The following SYNPO2 variants were observed in gnomAD, a reference collection of about 807,000 sequenced individuals.
SYNPO2 encodes the protein synaptopodin-2.
Under a neutral mutation model 85.0 loss-of-function variants are expected in SYNPO2, and 56 were observed. That is an observed-to-expected ratio of 0.66 (90% CI 0.53 to 0.82). SYNPO2 has a LOEUF of 0.82. SYNPO2 is among the 40% of genes least tolerant of loss of function. SYNPO2 has a pLI of 0.00. For synonymous variants in SYNPO2, 602 were observed against 591.1 expected (o/e 1.02, Z -0.27); for missense variants, 1,575 against 1,534.2 (o/e 1.03, Z -0.44).
At chr4:118,919,354 G>A (rs1438180556) in intron 1 of SYNPO2, among the ~76,000 whole-genome samples, 3 of 152,024 alleles carry the variant, frequency 2.0e-5, no homozygotes, top group Non-Finnish European at 2.9e-5. Context: ...ACTGTACTTA[G>A]CCATACTCCC....
chr4:118,910,574 T>C (rs548582980), intron 1 of SYNPO2, among the ~76,000 whole-genome samples: 1 of 152,180 alleles, frequency 6.6e-6, no homozygotes, highest in Non-Finnish European at 1.5e-5. Context: ...ACAGGGAAAA[T>C]CAGTGTGCTG....
At chr4:118,929,599 C>G (rs956042629) in intron 1 of SYNPO2, among the ~76,000 whole-genome samples, 16 of 152,004 alleles carry the variant, frequency 1.1e-4, no homozygotes, top group Admixed American at 5.2e-4. Context: ...TCACTTTAGC[C>G]AAATGATTTC....
chr4:118,888,746 G>A (rs1266863538), upstream of SYNPO2: 2 of 439,778 alleles, frequency 4.5e-6, no homozygotes, highest in Admixed American at 8.0e-5. Context: ...GTGTGAAGCT[G>A]CTTTCCTTTC....
Position 118,893,578 on chromosome 4 carries a change from A to C in SYNPO2, c.105+4437A>C, listed in dbSNP as rs142126125. Among the ~76,000 whole-genome samples the C allele has an allele frequency of 2.1e-3, 327 of 152,326 alleles. 1 individual carries two copies. The highest frequency in any genetic ancestry group is 6.8e-3 in the African/African-American group (282 of 41,572). ...CCTTATTGGTGGAAACAGGTGCCCG[A>C]GAGGATAAAAGTAGGTTAAAGTGGT... On this transcript the variant is annotated intron_variant, in intron 1 of 4. Coordinates refer to ENST00000307142, the MANE Select transcript of SYNPO2 (RefSeq NM_133477.3).
At chr4:118,951,698 G>GTATT (rs1213499665) in intron 1 of SYNPO2, among the ~76,000 whole-genome samples, 1 of 151,962 alleles carries the variant, frequency 6.6e-6, no homozygotes, top group Non-Finnish European at 1.5e-5. Flanking sequence ...TCTAACCCAG[G>GTATT]TATTTAGTAC....
Position 118,997,210 on chromosome 4 carries a change from A to T in SYNPO2, c.106-26220A>T, listed in dbSNP as rs1736638243. 2.1e-5 allele frequency among the ~76,000 whole-genome samples: 3 copies of T among 140,116 alleles called. No homozygotes were observed. The South Asian group carries it at 7.1e-4, about 33-fold the overall frequency. The allele number at this position is 140,116 out of a possible 152,430, so 91.9% of individuals were successfully genotyped here. A position where few individuals can be genotyped will look rare whatever the true frequency, so the allele number is the denominator to read the frequency against. ...AGCCGAGATCCCGCCACTGCACTCCAGCCTGGGCGACAGAGCGAGACTCCG... is the reference window on the plus strand; with the variant it reads ...AGCCGAGATCCCGCCACTGCACTCCTGCCTGGGCGACAGAGCGAGACTCCG... On this transcript the variant is annotated intron_variant, in intron 1 of 4. Coordinates refer to ENST00000307142, the MANE Select transcript of SYNPO2 (RefSeq NM_133477.3).
chr4:118,898,736 CG>C (rs1732629620), intron 1 of SYNPO2, among the ~76,000 whole-genome samples: 1 of 152,216 alleles, frequency 6.6e-6, no homozygotes, highest in South Asian at 2.1e-4. Context: ...CACAGGCCGA[CG>C]GCCCCGCTGT....
chr4:119,031,988 G>A lies in SYNPO2; in HGVS notation c.3213G>A (p.Arg1071=), dbSNP rs1374997438. 1.2e-6 allele frequency: 2 copies of A among 1,614,174 alleles called. No individual in the cohort carries two copies. The highest frequency in any genetic ancestry group is 1.7e-5 in the Admixed American group (1 of 60,016). Residue 1071 remains arginine, a synonymous_variant, in exon 4 of 5, where the codon AGG becomes AGA. Transcript: ENST00000307142. ...CATCATCTTATTTTGTGGCACCAAGGCCAAAGTTCTCAGCCAAGAAAAGTG... is the reference window on the plus strand; with the variant it reads ...CATCATCTTATTTTGTGGCACCAAGACCAAAGTTCTCAGCCAAGAAAAGTG... The part of the protein sequence containing the change: ...SASSSYFVAP[R]PKFSAKKSGV...
intron 1 of SYNPO2, among the ~76,000 whole-genome samples, chr4:118,998,226 C>T (rs1358211913): frequency 1.3e-5 from 2 of 152,112 alleles, no homozygotes; most frequent in Non-Finnish European, 2.9e-5. Context: ...AATTTTGCAG[C>T]CTTTTTGCTG....
chr4:119,042,065 A>G (rs1297048194), intron 4 of SYNPO2: 1 of 144,884 alleles, frequency 6.9e-6, no homozygotes, highest in African/African-American at 2.6e-5. Context: ...ACCTGCTTCC[A>G]CAGTCTTAGT....
intron 1 of SYNPO2, among the ~76,000 whole-genome samples, chr4:119,000,822 G>A (rs1355987121): frequency 6.6e-6 from 1 of 152,024 alleles, no homozygotes; most frequent in Non-Finnish European, 1.5e-5. Flanking sequence ...TTGCAGAGAG[G>A]GTCCATGTCT....
Position 119,027,057 on chromosome 4 carries a change from G to A in SYNPO2, c.688G>A (p.Asp230Asn), listed in dbSNP as rs1460612591. 1 of 1,614,134 alleles carries A rather than the reference G, an allele frequency of 6.2e-7. No homozygotes were observed. Among genetic ancestry groups the A allele is most frequent in the East Asian group, 2.2e-5 (1 of 44,876 alleles). ...TGAAAAATCTAAGTCTCCTGACCCAGACCCTAACTTGTCACATGACAGGAT... is the reference window on the plus strand; with the variant it reads ...TGAAAAATCTAAGTCTCCTGACCCAAACCCTAACTTGTCACATGACAGGAT... ...GAEKSKSPDP[D>N]PNLSHDRIVH... Residue 230 changes from aspartate (D) to asparagine (N), a missense_variant, in exon 3 of 5, where the codon GAC becomes AAC. This residue lies in a region of SYNPO2 where 1,508 missense variants were observed against 1,446.8 expected (regional missense o/e 1.04). Transcript: ENST00000307142.
chr4:119,033,626 T>G, intron 4 of SYNPO2: 1 of 985,480 alleles, frequency 1.0e-6, no homozygotes. Context: ...GGGTACACAG[T>G]ACCATTTTAA....
intron 1 of SYNPO2, among the ~76,000 whole-genome samples, chr4:119,021,865 C>T (rs1737736425): frequency 6.6e-6 from 1 of 152,136 alleles, no homozygotes; most frequent in Admixed American, 6.5e-5. Flanking sequence ...AGAACAGAGC[C>T]ACTGCTAAGC....
intron 1 of SYNPO2, among the ~76,000 whole-genome samples, chr4:118,853,383 C>T (rs1262458793): frequency 6.6e-6 from 1 of 151,990 alleles, no homozygotes; most frequent in Admixed American, 6.6e-5. Context: ...AGGATATTTC[C>T]CCCCCTCCTG....
intron 1 of SYNPO2, among the ~76,000 whole-genome samples, chr4:118,869,098 T>A (rs1057247908): frequency 6.6e-6 from 1 of 152,186 alleles, no homozygotes; most frequent in African/African-American, 2.4e-5. Flanking sequence ...AGAGTTTCGC[T>A]CTTGTTGCCC....
chr4:118,989,267 GC>G (rs1233469527), intron 1 of SYNPO2, among the ~76,000 whole-genome samples: 2 of 152,186 alleles, frequency 1.3e-5, no homozygotes, highest in Admixed American at 1.3e-4. Flanking sequence ...GGGATGTTGT[GC>G]CCATAGCTTG....
At chr4:118,952,901 A>C (rs536472635) in intron 1 of SYNPO2, among the ~76,000 whole-genome samples, 15 of 152,306 alleles carry the variant, frequency 9.8e-5, no homozygotes, top group African/African-American at 3.6e-4. Flanking sequence ...CCAATTTTCT[A>C]AAGGAGAAAA....
At chr4:118,920,429 A>G (rs548193402) in intron 1 of SYNPO2, among the ~76,000 whole-genome samples, 2 of 152,226 alleles carry the variant, frequency 1.3e-5, no homozygotes, top group African/African-American at 4.8e-5. Context: ...CCCATGTCAT[A>G]AAAAACAACT....
Sources: gnomAD v4.1 joint callset for allele counts (sites outside exome capture counted in the v4.1 genomes callset) on GRCh38, gnomAD v4.1.1 for gene constraint, gnomAD v4.1.1 regional missense constraint, MANE v1.5 for transcripts, NCBI Gene and HGNC (gene_info 2026-07-23, HGNC 2026-07-21) for gene names.